Variants in SMIM35 observed in about 807,000 individuals in gnomAD.
SMIM35 encodes TMPRSS4 antisense RNA 1 (non-protein coding).
chr11:118,023,339 A>T (rs1402210614), intron 1 of SMIM35, among the ~76,000 whole-genome samples: 1 of 152,112 alleles, frequency 6.6e-6, no homozygotes, highest in Non-Finnish European at 1.5e-5. Flanking sequence ...TCAAATTATA[A>T]AAGACCCTTT....
intron 1 of SMIM35, among the ~76,000 whole-genome samples, chr11:118,073,571 G>A (rs1944607912): frequency 6.6e-6 from 1 of 152,220 alleles, no homozygotes; most frequent in South Asian, 2.1e-4. Flanking sequence ...AAAGCTGCCG[G>A]TGCAGCTTCA....
chr11:118,066,897 T>C lies in SMIM35; in HGVS notation c.7+19854A>G, dbSNP rs1036672910. On this transcript the variant is annotated intron_variant, in intron 1 of 4. Coordinates refer to ENST00000689828, the MANE Select transcript of SMIM35 (RefSeq NM_001394165.1). ...TTTTGCCAGTTTCTATCAAGTAAAA[T>C]GAGATTGTTACAATTTTACACTCAA... is the stretch of plus-strand genomic sequence containing the variant. 4.0e-5 allele frequency among the ~76,000 whole-genome samples: 6 copies of C among 150,618 alleles called. No homozygotes were observed. In the South Asian group the frequency reaches 8.4e-4, roughly 21 times the overall value.
intron 1 of SMIM35, among the ~76,000 whole-genome samples, chr11:118,074,915 T>G (rs1944631901): frequency 6.6e-6 from 1 of 152,104 alleles, no homozygotes; most frequent in South Asian, 2.1e-4. Context: ...ATGTGCCTTC[T>G]TCCCGGACCT....
At chr11:118,048,889 C>A (rs1319692390) in intron 1 of SMIM35, among the ~76,000 whole-genome samples, 2 of 138,868 alleles carry the variant, frequency 1.4e-5, no homozygotes, top group East Asian at 4.1e-4. Flanking sequence ...GGAAAACCTG[C>A]CCTTCAGCTT....
intron 1 of SMIM35, among the ~76,000 whole-genome samples, chr11:118,080,781 G>A (rs1207510212): frequency 1.3e-5 from 2 of 152,146 alleles, no homozygotes; most frequent in Non-Finnish European, 2.9e-5. Context: ...AACGCCCCAG[G>A]GCAGCAGGAG....
chr11:118,042,359 A>C (rs4936421), intron 1 of SMIM35, among the ~76,000 whole-genome samples: 34,114 of 152,136 alleles, frequency 0.22, 4,592 homozygotes, highest in Non-Finnish European at 0.31. Context: ...TAGATAACTT[A>C]GATGAAATAG....
intron 1 of SMIM35, among the ~76,000 whole-genome samples, chr11:118,027,874 C>T (rs944022146): frequency 2.0e-5 from 3 of 152,220 alleles, no homozygotes; most frequent in Admixed American, 1.3e-4. Context: ...GGAGCCATTT[C>T]TCCCAGCCTC....
intron 1 of SMIM35, among the ~76,000 whole-genome samples, chr11:118,026,830 CA>C (rs1001984829): frequency 6.6e-6 from 1 of 151,956 alleles, no homozygotes; most frequent in African/African-American, 2.4e-5. Context: ...ATATAAAATG[CA>C]GGTCTTATAT....
chr11:118,082,519 C>G (rs555868625), intron 1 of SMIM35, among the ~76,000 whole-genome samples: 115 of 151,886 alleles, frequency 7.6e-4, no homozygotes, highest in Non-Finnish European at 1.4e-3. Context: ...CGAGATCACA[C>G]CACTGCACTC....
intron 1 of SMIM35, chr11:118,025,286 G>C: frequency 6.0e-6 from 2 of 333,166 alleles, no homozygotes; most frequent in South Asian, 5.0e-5. Context: ...TATATACCCA[G>C]TAATAAGATT....
In SMIM35 at chr11:118,045,330, G is replaced by GCGCACACACACACACACACACA. The variant is rs1555073986; in HGVS notation, c.8-29522_8-29521insTGTGTGTGTGTGTGTGTGTGCG. ...AATTCTAGTTATGGTATACACACAT[G>GCGCACACACACACACACACACA]CACACACACACACACACACACACAC... On this transcript the variant is annotated intron_variant, in intron 1 of 4. Transcript: ENST00000689828. Among the ~76,000 whole-genome samples the GCGCACACACACACACACACACA allele has an allele frequency of 2.7e-5, 4 of 146,014 alleles. No individual in the cohort carries two copies. In the East Asian group the frequency reaches 8.1e-4, roughly 29 times the overall value.
chr11:118,065,232 A>T (rs1288729388), intron 1 of SMIM35, among the ~76,000 whole-genome samples: 2 of 152,038 alleles, frequency 1.3e-5, no homozygotes, highest in African/African-American at 4.8e-5. Context: ...CAGCAAGGAC[A>T]CTCCCAGCCT....
At chr11:118,036,889 G>C (rs555884029) in intron 1 of SMIM35, among the ~76,000 whole-genome samples, 5 of 152,300 alleles carry the variant, frequency 3.3e-5, no homozygotes, top group Middle Eastern at 3.4e-3. Context: ...TTTATATCTC[G>C]ATCATTGTCT....
At chr11:118,061,666 G>A (rs1053195380) in intron 1 of SMIM35, among the ~76,000 whole-genome samples, 2 of 152,156 alleles carry the variant, frequency 1.3e-5, no homozygotes, top group Admixed American at 6.5e-5. Context: ...ACCTGCTTAT[G>A]TTCCCCACAG....
intron 1 of SMIM35, among the ~76,000 whole-genome samples, chr11:118,028,452 C>T (rs2058291907): frequency 6.6e-6 from 1 of 152,062 alleles, no homozygotes; most frequent in African/African-American, 2.4e-5. Flanking sequence ...TTATGTGTCT[C>T]TCCCTTAGAG....
intron 1 of SMIM35, among the ~76,000 whole-genome samples, chr11:118,035,895 G>C (rs2058356150): frequency 6.6e-6 from 1 of 152,138 alleles, no homozygotes; most frequent in Non-Finnish European, 1.5e-5. Flanking sequence ...TTGTTTGTTT[G>C]TTTGTTTGAC....
chr11:118,084,513 G>A (rs1945394518), intron 1 of SMIM35, among the ~76,000 whole-genome samples: 1 of 152,216 alleles, frequency 6.6e-6, no homozygotes, highest in Non-Finnish European at 1.5e-5. Context: ...ACCTGTGCCA[G>A]GAGATTGGCT....
chr11:118,037,232 C>T (rs751019275), intron 1 of SMIM35, among the ~76,000 whole-genome samples: 6 of 152,186 alleles, frequency 3.9e-5, no homozygotes, highest in African/African-American at 1.2e-4. Context: ...AGGATGCCTT[C>T]GATGTCATTA....
At chr11:118,084,399 C>T (rs762242478) in intron 1 of SMIM35, among the ~76,000 whole-genome samples, 3 of 152,222 alleles carry the variant, frequency 2.0e-5, no homozygotes, top group Non-Finnish European at 4.4e-5. Flanking sequence ...GGTTATGCAA[C>T]TGCAAAGTCA....
Sources: allele counts gnomAD v4.1 joint callset (sites outside exome capture counted in the v4.1 genomes callset), GRCh38; gene constraint gnomAD v4.1.1; transcripts MANE v1.5; gene names NCBI Gene and HGNC (gene_info 2026-07-23, HGNC 2026-07-21).